The following MYO10 variants were observed in gnomAD, a reference collection of about 807,000 sequenced individuals.
MYO10 encodes unconventional myosin-X.
A neutral mutation model predicts 257.3 loss-of-function variants in MYO10; 133 were observed. That is an observed-to-expected ratio of 0.52 (90% CI 0.45 to 0.60). The LOEUF (loss-of-function observed/expected upper bound fraction) is 0.60. MYO10 is among the 20% of genes least tolerant of loss of function. The probability of loss-of-function intolerance (pLI) is 0.00; values close to 1 mark genes in which losing one functional copy is unlikely to be tolerated. For synonymous variants in MYO10, 1,104 were observed against 1,028.6 expected (o/e 1.07, Z -1.40); for missense variants, 2,399 against 2,635.7 (o/e 0.91, Z 1.97).
Position 16,700,832 on chromosome 5 carries a change from G to C in MYO10, c.3432+131C>G, listed in dbSNP as rs907636644. On this transcript the variant is annotated intron_variant, in intron 25 of 40. Transcript: ENST00000513610. ...ATGGAATAAGCAAAAGGTTTAAGAT[G>C]ATCTCTAAGACCACGACTCTGCAAT... 215 of 1,150,044 alleles carry C rather than the reference G, an allele frequency of 1.9e-4. 2 individuals are homozygous for C. The Admixed American group carries it at 6.0e-3, about 32-fold the overall frequency. The allele number at this position is 1,150,044 out of a possible 1,614,324, so 71.2% of individuals were successfully genotyped here. A position where few individuals can be genotyped will look rare whatever the true frequency, so the allele number is the denominator to read the frequency against.
At chr5:16,930,189 T>G (rs1561066060) in intron 1 of MYO10, among the ~76,000 whole-genome samples, 1 of 152,028 alleles carries the variant, frequency 6.6e-6, no homozygotes, top group African/African-American at 2.4e-5. Flanking sequence ...GAGCCAGGTT[T>G]AGAGGTAAGA....
chr5:16,907,206 T>C (rs1247409263), intron 1 of MYO10, among the ~76,000 whole-genome samples: 1 of 152,244 alleles, frequency 6.6e-6, no homozygotes, highest in African/African-American at 2.4e-5. Flanking sequence ...AAACATTTTA[T>C]ATCCTGTTTC....
intron 29 of MYO10, among the ~76,000 whole-genome samples, chr5:16,684,350 C>T (rs1455803943): frequency 6.6e-6 from 1 of 152,164 alleles, no homozygotes; most frequent in Admixed American, 6.5e-5. Context: ...TCAAGTGATT[C>T]TCGTGCCTCA....
intron 9 of MYO10, among the ~76,000 whole-genome samples, chr5:16,778,235 C>A (rs1273369200): frequency 1.3e-5 from 2 of 152,112 alleles, no homozygotes; most frequent in Non-Finnish European, 2.9e-5. Context: ...TTGGGTGGGG[C>A]TGTTCGCAAC....
chr5:16,753,326 C>T (rs549668082), intron 19 of MYO10, among the ~76,000 whole-genome samples: 2 of 151,624 alleles, frequency 1.3e-5, no homozygotes, highest in East Asian at 2.0e-4. Context: ...GCCACCACAC[C>T]CAGCTAGTTT....
intron 1 of MYO10, among the ~76,000 whole-genome samples, chr5:16,891,457 C>A (rs1745058864): frequency 6.6e-6 from 1 of 151,208 alleles, no homozygotes; most frequent in African/African-American, 2.4e-5. Context: ...TTGCCCGGGG[C>A]TGGGAGGAGG....
chr5:16,672,593 G>T, intron 37 of MYO10, 96 bp downstream of exon 37: 1 of 1,444,704 alleles, frequency 6.9e-7, no homozygotes, highest in South Asian at 1.3e-5. Context: ...CCAATACAGC[G>T]TGAAGCCACA....
At chr5:16,711,059 T>C (rs984677532) in intron 20 of MYO10, 37 bp from the exon 21 acceptor site, 2 of 1,613,202 alleles carry the variant, frequency 1.2e-6, no homozygotes, top group Non-Finnish European at 1.7e-6. Flanking sequence ...CCTTCTGCGA[T>C]GGTTCCCTGT....
intron 1 of MYO10, among the ~76,000 whole-genome samples, chr5:16,898,760 G>C (rs1044315303): frequency 6.6e-6 from 1 of 151,802 alleles, no homozygotes; most frequent in Non-Finnish European, 1.5e-5. Flanking sequence ...TCTCAACTTG[G>C]AACAGCCATA....
At chr5:16,773,065 T>C (rs568441262) in intron 9 of MYO10, among the ~76,000 whole-genome samples, 14 of 152,332 alleles carry the variant, frequency 9.2e-5, no homozygotes, top group Non-Finnish European at 1.8e-4. Flanking sequence ...TAATTATGTG[T>C]TCATTATATC....
intron 1 of MYO10, among the ~76,000 whole-genome samples, chr5:16,890,072 ATAAACT>A (rs1174126099): frequency 3.3e-5 from 5 of 151,956 alleles, no homozygotes; most frequent in Admixed American, 6.5e-5. Context: ...TGGGAAGAAA[ATAAACT>A]TAAAACAGCC....
intron 4 of MYO10, among the ~76,000 whole-genome samples, chr5:16,792,541 G>C (rs1369070347): frequency 6.6e-6 from 1 of 151,694 alleles, no homozygotes; most frequent in Non-Finnish European, 1.5e-5. Context: ...GCCTCCTCTG[G>C]CACCTCTGTC....
At chr5:16,738,151 A>C (rs1182852577) in intron 19 of MYO10, 3 of 985,340 alleles carry the variant, frequency 3.0e-6, no homozygotes, top group Non-Finnish European at 3.6e-6. Flanking sequence ...CTGGAGCTGA[A>C]GGAGAGAAGC....
chr5:16,860,809 G>C (rs1018460692), intron 2 of MYO10, among the ~76,000 whole-genome samples: 1 of 152,100 alleles, frequency 6.6e-6, no homozygotes, highest in East Asian at 1.9e-4. Context: ...CCAAATCAAC[G>C]CAAGCACCGA....
intron 3 of MYO10, among the ~76,000 whole-genome samples, 175 bp from the exon 4 acceptor site, chr5:16,795,008 C>G (rs1217625246): frequency 6.6e-6 from 1 of 152,166 alleles, no homozygotes; most frequent in Non-Finnish European, 1.5e-5. Context: ...ATGAATGAAG[C>G]CATTTCAAAG....
chr5:16,685,680 G>T, intron 29 of MYO10, 58 bp downstream of exon 29: 1 of 1,236,880 alleles, frequency 8.1e-7, no homozygotes, highest in Non-Finnish European at 1.2e-6. Context: ...CCATCCTGAC[G>T]CCCTCCCCGT....
intron 11 of MYO10, 82 bp from the exon 12 acceptor site, chr5:16,764,478 C>T: frequency 6.6e-7 from 1 of 1,506,260 alleles, no homozygotes; most frequent in Non-Finnish European, 9.1e-7. Flanking sequence ...ACTTGAGAGA[C>T]ACACACAAGA....
At position 16,738,226 on chromosome 5, in the gene MYO10, C is replaced by T. The variant is rs17583272; in HGVS notation, c.1929+16602G>A. The T allele has an allele frequency of 7.0e-3, 6,917 of 985,108 alleles. 234 individuals are homozygous for T. The East Asian group carries it at 0.13, about 19-fold the overall frequency. The allele number at this position is 985,108 out of a possible 1,614,324, so 61.0% of individuals were successfully genotyped here. On this transcript the variant is annotated intron_variant, in intron 19 of 40. Coordinates refer to ENST00000513610, the MANE Select transcript of MYO10 (RefSeq NM_012334.3). ...GCAGAACCCGAGGCCATGCCTACCT[C>T]CAGAGGAACCAGTCAAGAGGAGGAG...
In MYO10 at chr5:16,866,014, A is replaced by AACACACACACACACAC. The variant is rs34718010; in HGVS notation, c.120+11579_120+11594dup. Among the ~76,000 whole-genome samples, 140 of 136,556 alleles carry AACACACACACACACAC rather than the reference A, an allele frequency of 1.0e-3. 1 individual carries two copies. Among genetic ancestry groups the AACACACACACACACAC allele is most frequent in the African/African-American group, 3.7e-3 (133 of 36,024 alleles). 89.6% of individuals were successfully genotyped at this position (136,556 alleles called of 152,430 possible). On this transcript the variant is annotated intron_variant, in intron 2 of 40. Coordinates refer to ENST00000513610, the MANE Select transcript of MYO10 (RefSeq NM_012334.3). ...GTTTTATGTCATATTTATTTACCCA[A>AACACACACACACACAC]ACACACACACACACACACACACACA...
Sources: gnomAD v4.1 joint callset for allele counts (sites outside exome capture counted in the v4.1 genomes callset) on GRCh38, gnomAD v4.1.1 for gene constraint, MANE v1.5 for transcripts, NCBI Gene and HGNC (gene_info 2026-07-23, HGNC 2026-07-21) for gene names.